Variants in LDAH observed in about 807,000 individuals in gnomAD.
LDAH encodes lipid droplet-associated hydrolase.
A neutral mutation model predicts 29.6 loss-of-function variants in LDAH; 26 were observed. That is an observed-to-expected ratio of 0.88 (90% confidence interval 0.64 to 1.22). The LOEUF is 1.22. Among genes scored for constraint, LDAH ranks in the 50% most tolerant of loss-of-function variants. The pLI, the probability that LDAH is intolerant of heterozygous loss-of-function variation, is 0.00. For synonymous variants in LDAH, 117 were observed against 133.0 expected (o/e 0.88, Z 0.83); for missense variants, 344 against 387.3 (o/e 0.89, Z 0.94).
At chr2:20,759,484 T>G (rs995854550) in intron 4 of LDAH, among the ~76,000 whole-genome samples, 1 of 152,162 alleles carries the variant, frequency 6.6e-6, no homozygotes, top group Non-Finnish European at 1.5e-5. Flanking sequence ...TTTCAGGAAA[T>G]TTTTTGTGGC....
intron 6 of LDAH, 64 bp from the exon 7 acceptor site, chr2:20,687,158 C>G: frequency 7.2e-7 from 1 of 1,394,824 alleles, no homozygotes; most frequent in Non-Finnish European, 9.9e-7. Flanking sequence ...AGATATGACA[C>G]CAGCAGCCGG....
intron 1 of LDAH, among the ~76,000 whole-genome samples, chr2:20,802,311 C>T (rs1346868464): frequency 2.0e-5 from 3 of 152,070 alleles, no homozygotes; most frequent in East Asian, 1.9e-4. Flanking sequence ...CCACCCACCT[C>T]GGCCTCCCAA....
chr2:20,720,893 T>G (rs1469065223), intron 5 of LDAH, among the ~76,000 whole-genome samples: 2 of 152,090 alleles, frequency 1.3e-5, no homozygotes, highest in Non-Finnish European at 2.9e-5. Flanking sequence ...GAAAGGATAG[T>G]CTCTCTAATA....
At chr2:20,696,999 C>G (rs1343143018) in intron 6 of LDAH, among the ~76,000 whole-genome samples, 1 of 152,148 alleles carries the variant, frequency 6.6e-6, no homozygotes, top group Non-Finnish European at 1.5e-5. Context: ...CTTCTTTAGG[C>G]TGCTATTACC....
intron 5 of LDAH, among the ~76,000 whole-genome samples, chr2:20,714,559 C>T (rs1410425081): frequency 1.3e-5 from 2 of 152,020 alleles, no homozygotes; most frequent in Non-Finnish European, 1.5e-5. Context: ...GGTAGAGACA[C>T]AAAAAACCCT....
At chr2:20,787,434 C>T (rs1376513424) in intron 3 of LDAH, among the ~76,000 whole-genome samples, 1 of 152,138 alleles carries the variant, frequency 6.6e-6, no homozygotes, top group East Asian at 1.9e-4. Flanking sequence ...GCTGGGATTA[C>T]AGGCAAGCAC....
intron 1 of LDAH, among the ~76,000 whole-genome samples, chr2:20,819,905 C>T (rs1434376122): frequency 2.0e-5 from 3 of 152,198 alleles, no homozygotes; most frequent in African/African-American, 7.2e-5. Flanking sequence ...TGATAAGCAA[C>T]TTCAGCAAAG....
chr2:20,780,784 G>A, intron 3 of LDAH, among the ~76,000 whole-genome samples: 1 of 152,072 alleles, frequency 6.6e-6, no homozygotes, highest in East Asian at 1.9e-4. Flanking sequence ...CTGCACTTTG[G>A]TTTTTTGCTC....
At position 20,684,095 on chromosome 2, in the gene LDAH, A is replaced by C. The variant is rs903857173; in HGVS notation, c.*2808T>G. 1.3e-5 allele frequency: 2 copies of C among 152,248 alleles called. No individual in the cohort carries two copies. The highest frequency in any genetic ancestry group is 2.9e-5 in the Non-Finnish European group (2 of 68,048). 9.4% of individuals were successfully genotyped at this position (152,248 alleles called of 1,614,324 possible). A position where few individuals can be genotyped will look rare whatever the true frequency, so the allele number is the denominator to read the frequency against. On this transcript the variant is annotated 3_prime_UTR_variant, in exon 7 of 7. Transcript: ENST00000237822. ...ATCTCAAACTTCCAAAAAATCTGCA[A>C]GTACAAAGAACATTATTTTCCCCTC... is the stretch of plus-strand genomic sequence containing the variant.
Position 20,685,002 on chromosome 2 carries a change from C to G in LDAH, c.*1901G>C, listed in dbSNP as rs1558370041. On this transcript the variant is annotated 3_prime_UTR_variant, in exon 7 of 7. Coordinates refer to ENST00000237822, the MANE Select transcript of LDAH (RefSeq NM_021925.4). The stretch of plus-strand genomic sequence containing the variant: ...AGCCGAGTCTAACTCAGGAGAACTG[C>G]TCAAATTGTACCCTCTCTTGCCCAA... The G allele has an allele frequency of 2.6e-6, 4 of 1,527,644 alleles. No homozygotes were observed. Among genetic ancestry groups the G allele is most frequent in the African/African-American group, 2.8e-5 (2 of 72,464 alleles). 94.6% of individuals were successfully genotyped at this position (1,527,644 alleles called of 1,614,324 possible). A position where few individuals can be genotyped will look rare whatever the true frequency, so the allele number is the denominator to read the frequency against.
intron 2 of LDAH, 139 bp downstream of exon 2, chr2:20,801,171 G>A: frequency 2.6e-6 from 2 of 777,990 alleles, no homozygotes. Context: ...AAATATTAAG[G>A]GTGGTTGTTA....
chr2:20,701,478 G>A, intron 6 of LDAH, 92 bp downstream of exon 6: 1 of 1,025,394 alleles, frequency 9.8e-7, no homozygotes, highest in South Asian at 1.4e-5. Flanking sequence ...AACCCTTAAA[G>A]TCTTACAGAT....
At chr2:20,822,598 G>A (rs340604) in intron 1 of LDAH, among the ~76,000 whole-genome samples, 24,054 of 152,142 alleles carry the variant, frequency 0.16, 4,720 homozygotes, top group African/African-American at 0.47. Flanking sequence ...CAAGGATGAG[G>A]GTTTACGGTT....
chr2:20,789,081 TC>T, intron 3 of LDAH: 1 of 1,527,950 alleles, frequency 6.5e-7, no homozygotes, highest in East Asian at 2.5e-5. Flanking sequence ...TGCTACTCTT[TC>T]TGTCTGTTGT....
Position 20,684,873 on chromosome 2 carries a change from T to A in LDAH, c.*2030A>T, listed in dbSNP as rs1303333474. On this transcript the variant is annotated 3_prime_UTR_variant, in exon 7 of 7. Coordinates refer to ENST00000237822, the MANE Select transcript of LDAH (RefSeq NM_021925.4). ...CCACTGTTTGTCCATTTTAGTCTAA[T>A]CCCTAATGAAACAGAATGAACTTCA... is the stretch of plus-strand genomic sequence containing the variant. 8 of 1,547,702 alleles carry A rather than the reference T, an allele frequency of 5.2e-6. No homozygotes were observed.
At chr2:20,797,837 G>T (rs1671407072) in intron 2 of LDAH, among the ~76,000 whole-genome samples, 1 of 151,410 alleles carries the variant, frequency 6.6e-6, no homozygotes, top group Admixed American at 6.6e-5. Flanking sequence ...AAAAAGAAAA[G>T]AAAAACAAAG....
intron 4 of LDAH, among the ~76,000 whole-genome samples, chr2:20,751,093 G>A (rs146494458): frequency 1.9e-3 from 290 of 152,264 alleles, no homozygotes; most frequent in Non-Finnish European, 3.5e-3. Flanking sequence ...TCAACATCAT[G>A]CAATATTCCC....
At chr2:20,789,191 G>A (rs1180874414) in intron 3 of LDAH, 2 of 1,550,436 alleles carry the variant, frequency 1.3e-6, no homozygotes, top group Non-Finnish European at 1.7e-6. Context: ...AAATCCATAG[G>A]TGAAACCCTA....
rs1183259867 is a variant in LDAH, at chr2:20,686,023, A to T, written c.*880T>A. ...AAGAACTCCATCCTCAATGGCTAGCACACTATTTGGCTCATTGATGGTCTT... is the reference window on the plus strand; with the variant it reads ...AAGAACTCCATCCTCAATGGCTAGCTCACTATTTGGCTCATTGATGGTCTT... On this transcript the variant is annotated 3_prime_UTR_variant, in exon 7 of 7. Transcript: ENST00000237822. The T allele has an allele frequency of 5.5e-6, 1 of 181,592 alleles. No individual in the cohort carries two copies. Among genetic ancestry groups the T allele is most frequent in the Non-Finnish European group, 1.2e-5 (1 of 86,632 alleles). The allele number at this position is 181,592 out of a possible 1,614,324, so 11.2% of individuals were successfully genotyped here.
Sources: gnomAD v4.1 joint callset for allele counts (sites outside exome capture counted in the v4.1 genomes callset) on GRCh38, gnomAD v4.1.1 for gene constraint, MANE v1.5 for transcripts, NCBI Gene and HGNC (gene_info 2026-07-23, HGNC 2026-07-21) for gene names.